Variants in NSUN6 observed in about 807,000 individuals in gnomAD.
NSUN6 encodes NOP2/Sun RNA methyltransferase 6, also known as tRNA (cytosine(72)-C(5))-methyltransferase NSUN6.
A neutral mutation model predicts 58.0 loss-of-function variants in NSUN6; 64 were observed. The observed-to-expected ratio is 1.10, with a 90% CI of 0.90 to 1.36. The LOEUF (loss-of-function observed/expected upper bound fraction) is 1.36. Ranked by LOEUF, NSUN6 falls within the 40% of genes most tolerant of loss-of-function variation. NSUN6 has a pLI of 0.00. For synonymous variants in NSUN6, 231 were observed against 193.9 expected (o/e 1.19, Z -1.59); for missense variants, 701 against 550.1 (o/e 1.27, Z -2.74).
At chr10:18,612,378 C>T (rs1002136938) in intron 5 of NSUN6, among the ~76,000 whole-genome samples, 6 of 152,184 alleles carry the variant, frequency 3.9e-5, no homozygotes, top group African/African-American at 9.7e-5. Context: ...GCTTTCATCA[C>T]ACCACTCCAG....
At chr10:18,648,795 A>T (rs1434364990) in intron 1 of NSUN6, 150 bp from the exon 2 acceptor site, 1 of 514,930 alleles carries the variant, frequency 1.9e-6, no homozygotes, top group East Asian at 2.9e-5. Flanking sequence ...ATAGCAACTA[A>T]GGAAATAGTA....
intron 8 of NSUN6, among the ~76,000 whole-genome samples, chr10:18,575,841 A>G (rs1158199459): frequency 6.6e-6 from 1 of 152,136 alleles, no homozygotes; most frequent in Non-Finnish European, 1.5e-5. Flanking sequence ...AAAATTATAT[A>G]CTTGGTCTAT....
At chr10:18,565,952 T>C (rs62634837) in intron 8 of NSUN6, among the ~76,000 whole-genome samples, 58,925 of 149,484 alleles carry the variant, frequency 0.39, 12,121 homozygotes, top group East Asian at 0.73. Flanking sequence ...TCCCTTCCAT[T>C]CTCCATTCCA....
At chr10:18,636,903 A>G (rs1476273507) in intron 3 of NSUN6, among the ~76,000 whole-genome samples, 2 of 150,612 alleles carry the variant, frequency 1.3e-5, no homozygotes, top group Admixed American at 6.6e-5. Context: ...AAATAAAAAT[A>G]ATTAAAAATA....
rs531813091 is a variant in NSUN6, at chr10:18,570,008, T to A, written c.922+15941A>T. Among the ~76,000 whole-genome samples the A allele has an allele frequency of 3.6e-4, 54 of 148,420 alleles. No individual in the cohort carries two copies. In the South Asian group the frequency reaches 8.8e-3, roughly 24 times the overall value. On this transcript the variant is annotated intron_variant, in intron 8 of 10. Coordinates refer to ENST00000377304, the MANE Select transcript of NSUN6 (RefSeq NM_182543.5). Reference sequence around the variant, plus strand: ...TTCTCAATTCCATTCCATTCTCCATTGCATTCCACTATTCATTCCATTCTA... The same window carrying A: ...TTCTCAATTCCATTCCATTCTCCATAGCATTCCACTATTCATTCCATTCTA...
intron 3 of NSUN6, among the ~76,000 whole-genome samples, chr10:18,618,635 T>C (rs1224304953): frequency 4.2e-5 from 6 of 144,492 alleles, no homozygotes; most frequent in Non-Finnish European, 5.9e-5. Flanking sequence ...TGAGCCGAGA[T>C]GGTGCCATTG....
chr10:18,652,140 T>C, upstream of NSUN6: 1 of 985,248 alleles, frequency 1.0e-6, no homozygotes, highest in Non-Finnish European at 1.2e-6. Flanking sequence ...AGACAGTGTT[T>C]ACAGTTAGTT....
chr10:18,601,382 C>T (rs1477215096), intron 6 of NSUN6, among the ~76,000 whole-genome samples: 1 of 152,142 alleles, frequency 6.6e-6, no homozygotes, highest in Non-Finnish European at 1.5e-5. Flanking sequence ...AATGGCAGAA[C>T]TGCAGGAAAG....
chr10:18,563,059 T>C (rs954685515), intron 8 of NSUN6, among the ~76,000 whole-genome samples: 4 of 134,422 alleles, frequency 3.0e-5, no homozygotes, highest in South Asian at 4.7e-4. Context: ...GGAGAATTGA[T>C]TGGAATGGAA....
rs1167484044 is a variant in NSUN6, at chr10:18,651,568, G to A, written c.-365C>T. 2 of 998,340 alleles carry A rather than the reference G, an allele frequency of 2.0e-6. No individual in the cohort carries two copies. The highest frequency in any genetic ancestry group is 9.2e-5 in the South Asian group (2 of 21,688). 61.8% of individuals were successfully genotyped at this position (998,340 alleles called of 1,614,324 possible). A position where few individuals can be genotyped will look rare whatever the true frequency, so the allele number is the denominator to read the frequency against. On this transcript the variant is annotated 5_prime_UTR_variant, in exon 1 of 11. Coordinates refer to ENST00000377304, the MANE Select transcript of NSUN6 (RefSeq NM_182543.5). Reference sequence around the variant, plus strand: ...AGTAAGCCAGGCTGACAGCAGCTCGGTCCCTTTATCTTTTCTATCAATTTC... The same window carrying A: ...AGTAAGCCAGGCTGACAGCAGCTCGATCCCTTTATCTTTTCTATCAATTTC...
chr10:18,560,928 A>AGAATGGAATGGAGCATG (rs1335243759), intron 8 of NSUN6, among the ~76,000 whole-genome samples: 1 of 148,180 alleles, frequency 6.7e-6, no homozygotes, highest in Admixed American at 6.7e-5. Context: ...AATGGAGCAT[A>AGAATGGAATGGAGCATG]GAATGGAATG....
chr10:18,635,850 C>T (rs1313886762), intron 3 of NSUN6, among the ~76,000 whole-genome samples: 3 of 148,762 alleles, frequency 2.0e-5, no homozygotes, highest in Admixed American at 1.3e-4. Context: ...TGTTTTTTGT[C>T]GTTTTTTTTA....
At chr10:18,548,420 C>T (rs2054418308) in intron 9 of NSUN6, among the ~76,000 whole-genome samples, 183 bp from the exon 10 acceptor site, 1 of 152,186 alleles carries the variant, frequency 6.6e-6, no homozygotes. Context: ...AGACTAGGTG[C>T]ATTTCATTAT....
chr10:18,637,875 A>G (rs773628917), intron 3 of NSUN6, among the ~76,000 whole-genome samples: 2 of 152,220 alleles, frequency 1.3e-5, no homozygotes, highest in East Asian at 1.9e-4. Flanking sequence ...GAATATTATC[A>G]TCTTTTCTAT....
chr10:18,568,917 T>C (rs2056164726), intron 8 of NSUN6, among the ~76,000 whole-genome samples: 1 of 151,572 alleles, frequency 6.6e-6, no homozygotes, highest in Non-Finnish European at 1.5e-5. Context: ...CTCCATTCCA[T>C]TCCATTCTCC....
chr10:18,600,942 ATATATATATATATATATACATAT>A (rs2057790705), intron 6 of NSUN6, among the ~76,000 whole-genome samples: 1 of 42,800 alleles, frequency 2.3e-5, no homozygotes, highest in African/African-American at 1.1e-4. Flanking sequence ...AAAAAAAAAA[ATATATATATATATATATACATAT>A]ATATATATAT....
intron 8 of NSUN6, 50 bp from the exon 9 acceptor site, chr10:18,552,021 C>A: frequency 1.8e-6 from 2 of 1,101,852 alleles, no homozygotes; most frequent in Non-Finnish European, 2.6e-6. Context: ...TAGGTTTAAA[C>A]TAGAAAACTC....
intron 6 of NSUN6, among the ~76,000 whole-genome samples, chr10:18,607,886 C>A (rs927703790): frequency 1.3e-5 from 2 of 152,166 alleles, no homozygotes; most frequent in Non-Finnish European, 2.9e-5. Context: ...CTTTTCTAAG[C>A]CTCTATTTCC....
chr10:18,623,774 A>C (rs1018790812), intron 3 of NSUN6, among the ~76,000 whole-genome samples: 1 of 152,228 alleles, frequency 6.6e-6, no homozygotes, highest in Non-Finnish European at 1.5e-5. Context: ...GATTAAATGA[A>C]AAAGAAAGCC....
Sources: gnomAD v4.1 joint callset for allele counts (sites outside exome capture counted in the v4.1 genomes callset) on GRCh38, gnomAD v4.1.1 for gene constraint, MANE v1.5 for transcripts, NCBI Gene and HGNC (gene_info 2026-07-23, HGNC 2026-07-21) for gene names.